The following IPO5 variants were observed in gnomAD, a reference collection of about 807,000 sequenced individuals.
The protein encoded by IPO5 is importin 5.
A neutral mutation model predicts 143.3 loss-of-function variants in IPO5; 18 were observed. That is an observed-to-expected ratio of 0.13 (90% CI 0.09 to 0.19). The LOEUF (loss-of-function observed/expected upper bound fraction) is 0.19. Among genes scored for constraint, IPO5 ranks in the 10% least tolerant of loss-of-function variants. IPO5 has a pLI of 1.00. For synonymous variants in IPO5, 477 were observed against 465.7 expected, an observed-to-expected ratio of 1.02 and a Z score of -0.31; for missense variants, 1,013 against 1,336.9, an observed-to-expected ratio of 0.76 and a Z score of 3.78.
intron 2 of IPO5, among the ~76,000 whole-genome samples, chr13:97,967,654 TTGAG>T (rs1648884499): frequency 6.6e-6 from 1 of 151,976 alleles, no homozygotes; most frequent in African/African-American, 2.4e-5. Flanking sequence ...GTTTGTTTGT[TTGAG>T]TCTCGCTCTG....
chr13:98,019,699 CTG>C lies in IPO5; in HGVS notation c.2959_2960del (p.Val987LysfsTer3). On this transcript the variant is annotated frameshift_variant, in exon 27 of 29. Transcript: ENST00000651721. LOFTEE classifies it high-confidence loss of function. ...GGAAAATCATGAAGTTCAAGCCTGA[CTG>C]TGTAAACGTTGAAGAGGTCCTTCCA... ...VGKIMKFKPD[C>X]VNVEEVLPHW... 1 of 1,613,804 alleles carries C rather than the reference CTG, an allele frequency of 6.2e-7. No individual in the cohort carries two copies. The highest frequency in any genetic ancestry group is 8.5e-7 in the Non-Finnish European group (1 of 1,179,666).
At position 98,024,102 on chromosome 13, in the gene IPO5, G is replaced by C. The variant is rs1047701550; in HGVS notation, c.*2280G>C. The C allele has an allele frequency of 6.6e-6, 1 of 152,148 alleles. No individual in the cohort carries two copies. The highest frequency in any genetic ancestry group is 2.4e-5 in the African/African-American group (1 of 41,428). 9.4% of individuals were successfully genotyped at this position (152,148 alleles called of 1,614,324 possible). On this transcript the variant is annotated 3_prime_UTR_variant, in exon 29 of 29. Transcript: ENST00000651721. The stretch of plus-strand genomic sequence containing the variant: ...ACGTTTTCTGGGAATTTTGTAACAA[G>C]TTACACGCACAAGTGTTAGAAACTT...
In IPO5 at chr13:98,014,143, G is replaced by T; in HGVS notation, c.2254G>T (p.Ala752Ser). 1 of 1,613,464 alleles carries T rather than the reference G, an allele frequency of 6.2e-7. No individual in the cohort carries two copies. The highest frequency in any genetic ancestry group is 1.7e-5 in the Admixed American group (1 of 59,998). Residue 752 changes from alanine (A) to serine (S), a missense_variant, in exon 22 of 29, where the codon GCT (alanine) becomes TCT (serine). By Grantham distance (99) the Ala-to-Ser change is moderately conservative. Around this residue, in one of 2 missense-constraint regions of IPO5, gnomAD observed 685 missense variants for 994.9 expected, o/e 0.69. Coordinates refer to ENST00000651721, the MANE Select transcript of IPO5 (RefSeq NM_002271.6). ...ACAGATGTGGCATTTTATGTGTGAT[G>T]CTCTAATTAAGGCCATTGGTACAGA... ...LTQMWHFMCD[A>S]LIKAIGTEPD...
intron 4 of IPO5, chr13:97,979,842 A>G (rs967019687): frequency 4.6e-5 from 21 of 455,758 alleles, no homozygotes; most frequent in South Asian, 2.2e-4. Flanking sequence ...TGAGATTTCA[A>G]TAGACAGAGG....
rs763171667 is a variant in IPO5 at position 97,976,685 on chromosome 13, A to T, written c.-4-8A>T. The T allele has an allele frequency of 5.3e-6, 7 of 1,325,012 alleles. No homozygotes were observed. The African/African-American group carries it at 1.1e-4, about 21-fold the overall frequency. The allele number at this position is 1,325,012 out of a possible 1,614,324, so 82.1% of individuals were successfully genotyped here. A position where few individuals can be genotyped will look rare whatever the true frequency, so the allele number is the denominator to read the frequency against. On this transcript the variant is annotated splice_region_variant and splice_polypyrimidine_tract_variant and intron_variant, in intron 3 of 28. Coordinates refer to ENST00000651721, the MANE Select transcript of IPO5 (RefSeq NM_002271.6). ...TGTCTCCCCTCCCTCCTTCTCTCTC[A>T]CGCCTAGCGCAATGGCGGCGGCCGC...
chr13:97,963,999 T>G (rs189509396), intron 2 of IPO5, among the ~76,000 whole-genome samples: 52 of 152,354 alleles, frequency 3.4e-4, no homozygotes, highest in Non-Finnish European at 6.3e-4. Flanking sequence ...TGTCTTCTTT[T>G]GAGAAGTGTC....
rs374987006 is a variant in IPO5, at chr13:98,010,100, T to C, written c.1934-3T>C. Reference sequence around the variant, plus strand: ...ATGCATTTGTTTTCTTCTCCGTTAATAGCCCAAGACATGGAGAATATGAGT... The same window carrying C: ...ATGCATTTGTTTTCTTCTCCGTTAACAGCCCAAGACATGGAGAATATGAGT... On this transcript the variant is annotated splice_region_variant and splice_polypyrimidine_tract_variant and intron_variant, in intron 19 of 28. Transcript: ENST00000651721. 1 of 1,613,916 alleles carries C rather than the reference T, an allele frequency of 6.2e-7. No homozygotes were observed. Among genetic ancestry groups the C allele is most frequent in the Non-Finnish European group, 8.5e-7 (1 of 1,179,924 alleles).
chr13:97,979,479 C>T (rs185115742), intron 4 of IPO5, among the ~76,000 whole-genome samples: 3 of 152,188 alleles, frequency 2.0e-5, no homozygotes, highest in African/African-American at 4.8e-5. Context: ...TTTGAAGAAA[C>T]GTATGTGAAT....
chr13:98,003,009 A>T lies in IPO5; in HGVS notation c.1469A>T (p.His490Leu). ...PYLDNLVKHL[H>L]SIMVLKLQEL... ...TTGGATAATTTGGTGAAACATCTGC[A>T]TTCCATTATGGTACTGAAGCTTCAA... The change falls in exon 16 of 29, where the codon CAT becomes CTT. Residue 490 changes from histidine (H) to leucine (L), a missense_variant. Around this residue, in one of 2 missense-constraint regions of IPO5, gnomAD observed 685 missense variants for 994.9 expected, o/e 0.69. Transcript: ENST00000651721. 6.2e-7 allele frequency: 1 copy of T among 1,613,222 alleles called. No homozygotes were observed. Among genetic ancestry groups the T allele is most frequent in the Non-Finnish European group, 8.5e-7 (1 of 1,179,626 alleles).
rs1056365126 is a variant in IPO5, at chr13:97,968,726, C to T, written c.-112-997C>T. Among the ~76,000 whole-genome samples the T allele has an allele frequency of 2.0e-5, 3 of 151,976 alleles. 1 individual carries two copies. The stretch of plus-strand genomic sequence containing the variant: ...GTCTTTTTGAGATGGAGTCTTGCTC[C>T]GTCACCCAGGCTGGAGTGCAGTGGC... On this transcript the variant is annotated intron_variant, in intron 2 of 28. Transcript: ENST00000651721.
chr13:98,012,060 ATTTCATGACCCTTCTTTTAAGACTCTTT>A (rs1222171455), intron 20 of IPO5, among the ~76,000 whole-genome samples, 158 bp from the exon 21 acceptor site: 1 of 151,688 alleles, frequency 6.6e-6, no homozygotes, highest in East Asian at 1.9e-4. Flanking sequence ...TACTACAATC[ATTTCATGACCCTTCTTTTAAGACTCTTT>A]TTAGTTGGAA....
At chr13:98,021,197 TG>T in intron 28 of IPO5, 64 bp downstream of exon 28, 1 of 1,425,954 alleles carries the variant, frequency 7.0e-7, no homozygotes, top group Non-Finnish European at 9.5e-7. Context: ...TAGTCCTCTA[TG>T]AGAAGAAACT....
chr13:97,972,355 G>A lies in IPO5; in HGVS notation c.-5+2525G>A, dbSNP rs73556525. Among the ~76,000 whole-genome samples the A allele has an allele frequency of 7.6e-3, 1,164 of 152,238 alleles. 20 individuals are homozygous for A. The highest frequency in any genetic ancestry group is 0.026 in the African/African-American group (1,094 of 41,554). ...CCAGAACACTCCCATCAACATGGGA[G>A]CCCATAAAACTAAGAGCAGTAGTGG... On this transcript the variant is annotated intron_variant, in intron 3 of 28. Transcript: ENST00000651721.
intron 2 of IPO5, among the ~76,000 whole-genome samples, chr13:97,960,690 C>G (rs745766521): frequency 1.8e-4 from 27 of 151,880 alleles, no homozygotes; most frequent in Middle Eastern, 3.4e-3. Flanking sequence ...TCTTGAGTAG[C>G]TGGGATTACA....
In IPO5 at chr13:98,023,696, C is replaced by T. The variant is rs1456716872; in HGVS notation, c.*1874C>T. ...GCCGTTAGTATCTGAGATGTACTTA[C>T]AGCAGGGTTCTAAGAGCTCTGAAAG... On this transcript the variant is annotated 3_prime_UTR_variant, in exon 29 of 29. Coordinates refer to ENST00000651721, the MANE Select transcript of IPO5 (RefSeq NM_002271.6). The T allele has an allele frequency of 1.3e-5, 2 of 152,142 alleles. No individual in the cohort carries two copies. Among genetic ancestry groups the T allele is most frequent in the Non-Finnish European group, 2.9e-5 (2 of 68,030 alleles). The allele number at this position is 152,142 out of a possible 1,614,324, so 9.4% of individuals were successfully genotyped here. A position where few individuals can be genotyped will look rare whatever the true frequency, so the allele number is the denominator to read the frequency against.
chr13:97,997,816 T>C (rs1888426646), intron 12 of IPO5, among the ~76,000 whole-genome samples, 198 bp downstream of exon 12: 1 of 152,242 alleles, frequency 6.6e-6, no homozygotes, highest in African/African-American at 2.4e-5. Context: ...TTTATATTAA[T>C]AAAATTTATG....
Position 98,021,740 on chromosome 13 carries a change from C to A in IPO5, c.3212C>A (p.Ser1071Tyr). 3 of 1,546,650 alleles carry A rather than the reference C, an allele frequency of 1.9e-6. No individual in the cohort carries two copies. The highest frequency in any genetic ancestry group is 1.8e-5 in the Admixed American group (1 of 56,942). The change falls in exon 29 of 29, where the codon TCT (serine) becomes TAT (tyrosine). Residue 1071 changes from serine to tyrosine, a missense_variant. By Grantham distance (144) the Ser-to-Tyr change is moderately radical. Coordinates refer to ENST00000651721, the MANE Select transcript of IPO5 (RefSeq NM_002271.6). ...TGAAAATGTTTCTTTCCCTAGACTT[C>A]TGGAGGACTGTGGACTGAGTGCATA... ...LANVVRQVQT[S>Y]GGLWTECIAQ...
intron 24 of IPO5, 28 bp downstream of exon 24, chr13:98,015,809 A>G (rs761322500): frequency 6.8e-7 from 1 of 1,479,596 alleles, no homozygotes; most frequent in East Asian, 2.3e-5. Flanking sequence ...GAACTTACTT[A>G]CGTGACCACT....
intron 25 of IPO5, among the ~76,000 whole-genome samples, chr13:98,017,959 G>A (rs1270945718): frequency 2.0e-5 from 3 of 152,160 alleles, no homozygotes; most frequent in Admixed American, 6.5e-5. Context: ...GAGCCACCTC[G>A]CCTGGCTGTG....
Sources: gnomAD v4.1 joint callset for allele counts (sites outside exome capture counted in the v4.1 genomes callset) on GRCh38, gnomAD v4.1.1 for gene constraint, gnomAD v4.1.1 regional missense constraint, MANE v1.5 for transcripts, NCBI Gene and HGNC (gene_info 2026-07-23, HGNC 2026-07-21) for gene names.